The following PLCG2 variants were observed in gnomAD, a reference collection of about 807,000 sequenced individuals.
PLCG2 encodes phospholipase C gamma 2, also known as 1-phosphatidylinositol 4,5-bisphosphate phosphodiesterase gamma-2.
In PLCG2, 69 loss-of-function variants were observed where a neutral mutation model predicts 175.6. The ratio of observed to expected loss-of-function variants is 0.39; its 90% CI spans 0.32 to 0.48. The LOEUF (loss-of-function observed/expected upper bound fraction) is 0.48. Among genes scored for constraint, PLCG2 ranks in the 20% least tolerant of loss-of-function variants. The probability of loss-of-function intolerance (pLI) is 0.91; values close to 1 mark genes in which losing one functional copy is unlikely to be tolerated. For missense variants in PLCG2, 1,798 were observed against 1,650.9 expected, an observed-to-expected ratio of 1.09 and a Z score of -1.54; for synonymous variants, 827 against 624.0, an observed-to-expected ratio of 1.33 and a Z score of -4.85.
Position 81,786,066 on chromosome 16 carries a change from C to A in PLCG2, c.77C>A (p.Thr26Lys). 6.2e-7 allele frequency: 1 copy of A among 1,614,134 alleles called. No homozygotes were observed. The highest frequency in any genetic ancestry group is 8.5e-7 in the Non-Finnish European group (1 of 1,179,984). Residue 26 changes from threonine to lysine, a missense_variant, in exon 2 of 33, where the codon ACG becomes AAG. Transcript: ENST00000564138. ...SQIKRALELG[T>K]VMTVFSFRKS... ...ATCAAGAGAGCCCTGGAGCTGGGGA[C>A]GGTGATGACTGTGTTCAGCTTCCGC... is the stretch of plus-strand genomic sequence containing the variant.
At position 81,908,515 on chromosome 16, in the gene PLCG2, G is replaced by A; in HGVS notation, c.1657G>A (p.Glu553Lys). ...GAAGTTGCTGCAGGAATACTGCATG[G>A]AGACGGGGGGCAAGGATGGCACCTT... The part of the protein sequence containing the change: ...AEKLLQEYCM[E>K]TGGKDGTFLV... The change falls in exon 17 of 33, where the codon GAG (glutamate) becomes AAG (lysine). Residue 553 changes from glutamate (E) to lysine (K), a missense_variant. By Grantham distance (56) the Glu-to-Lys change is moderately conservative. Transcript: ENST00000564138. 1 of 1,613,966 alleles carries A rather than the reference G, an allele frequency of 6.2e-7. No individual in the cohort carries two copies. Among genetic ancestry groups the A allele is most frequent in the Non-Finnish European group, 8.5e-7 (1 of 1,179,992 alleles).
At chr16:81,807,095 C>T (rs752760411) in intron 2 of PLCG2, among the ~76,000 whole-genome samples, 1 of 152,224 alleles carries the variant, frequency 6.6e-6, no homozygotes, top group African/African-American at 2.4e-5. Context: ...TGTTTCAAGT[C>T]TGTTCAATGC....
intron 19 of PLCG2, among the ~76,000 whole-genome samples, chr16:81,915,275 G>T (rs948438612): frequency 1.3e-5 from 2 of 152,302 alleles, no homozygotes; most frequent in South Asian, 2.1e-4. Flanking sequence ...TTTGTAAAGT[G>T]CCTCTCCTGT....
At chr16:81,893,675 A>T in intron 11 of PLCG2, 34 bp from the exon 12 acceptor site, 1 of 1,391,224 alleles carries the variant, frequency 7.2e-7, no homozygotes, top group Non-Finnish European at 1.0e-6. Flanking sequence ...TGTGGCTGCC[A>T]CTCTCACACG....
intron 31 of PLCG2, among the ~76,000 whole-genome samples, chr16:81,953,365 G>C (rs1371500222): frequency 2.0e-5 from 3 of 151,848 alleles, no homozygotes; most frequent in African/African-American, 7.3e-5. Context: ...TAACACTGTG[G>C]AGTCTAGGTG....
At chr16:81,943,508 G>T (rs944566112) in intron 30 of PLCG2, among the ~76,000 whole-genome samples, 1 of 152,140 alleles carries the variant, frequency 6.6e-6, no homozygotes, top group Non-Finnish European at 1.5e-5. Flanking sequence ...AGCTCCAACA[G>T]TGGAGATCAC....
At chr16:81,832,824 A>C (rs1905320277) in intron 2 of PLCG2, among the ~76,000 whole-genome samples, 1 of 152,238 alleles carries the variant, frequency 6.6e-6, no homozygotes, top group African/African-American at 2.4e-5. Context: ...CCTTGCAGCT[A>C]GTGGGAGACC....
At chr16:81,895,473 T>C in intron 12 of PLCG2, 1 of 244,272 alleles carries the variant, frequency 4.1e-6, no homozygotes, top group Non-Finnish European at 8.1e-6. Flanking sequence ...GGCAGGGGAA[T>C]TGCTTCAACC....
intron 2 of PLCG2, among the ~76,000 whole-genome samples, chr16:81,852,607 A>G (rs538689301): frequency 6.6e-6 from 1 of 152,322 alleles, no homozygotes; most frequent in East Asian, 1.9e-4. Flanking sequence ...GACCAGGAGT[A>G]GATGGAGTCA....
chr16:81,942,932 T>TA (rs1443448817), intron 30 of PLCG2, among the ~76,000 whole-genome samples: 1 of 140,002 alleles, frequency 7.1e-6, no homozygotes, highest in Non-Finnish European at 1.5e-5. Flanking sequence ...TTTTTTTTTT[T>TA]ATACAAGGAG....
chr16:81,774,379 C>T (rs1433648918), upstream of PLCG2, among the ~76,000 whole-genome samples: 1 of 151,888 alleles, frequency 6.6e-6, no homozygotes, highest in East Asian at 1.9e-4. Flanking sequence ...AAACCGGGGG[C>T]TCCACCAAGC....
intron 2 of PLCG2, among the ~76,000 whole-genome samples, chr16:81,852,788 C>T (rs545067452): frequency 6.6e-6 from 1 of 152,284 alleles, no homozygotes; most frequent in South Asian, 2.1e-4. Context: ...TGTCTGTGTT[C>T]CACATGTTGT....
chr16:81,889,006 A>G (rs1908504682), intron 9 of PLCG2, among the ~76,000 whole-genome samples, 166 bp from the exon 10 acceptor site: 2 of 152,086 alleles, frequency 1.3e-5, no homozygotes, highest in Non-Finnish European at 2.9e-5. Flanking sequence ...GACCCCTGGC[A>G]GAGGGCCATG....
rs147313494 is a variant in PLCG2 at position 81,883,221 on chromosome 16, C to G, written c.693-48C>G. ...TGGCTGGCATCTCCTCTCGACTCCTCTGTTGAATGTGTCTGTCTCTAACTG... is the reference window on the plus strand; with the variant it reads ...TGGCTGGCATCTCCTCTCGACTCCTGTGTTGAATGTGTCTGTCTCTAACTG... On this transcript the variant is annotated intron_variant, in intron 8 of 32. Coordinates refer to ENST00000564138, the MANE Select transcript of PLCG2 (RefSeq NM_002661.5). 1,347 of 1,551,786 alleles carry G rather than the reference C, an allele frequency of 8.7e-4. 14 individuals carry two copies. In the African/African-American group the frequency reaches 0.016, roughly 18 times the overall value.
intron 7 of PLCG2, among the ~76,000 whole-genome samples, chr16:81,877,318 T>C (rs1023215172): frequency 4.6e-5 from 7 of 152,048 alleles, no homozygotes; most frequent in African/African-American, 9.7e-5. Flanking sequence ...TAGCTGGGCA[T>C]AGTGGCGGGT....
At chr16:81,815,608 A>C (rs1379029125) in intron 2 of PLCG2, among the ~76,000 whole-genome samples, 1 of 152,158 alleles carries the variant, frequency 6.6e-6, no homozygotes, top group Non-Finnish European at 1.5e-5. Context: ...TGGGGGCTCA[A>C]AAGCCACTCA....
chr16:81,948,017 C>T (rs574210027), intron 31 of PLCG2, among the ~76,000 whole-genome samples: 2 of 152,296 alleles, frequency 1.3e-5, no homozygotes, highest in East Asian at 3.9e-4. Context: ...CCTGTTTCAT[C>T]AGGTATGGGT....
intron 1 of PLCG2, among the ~76,000 whole-genome samples, chr16:81,747,183 C>G (rs1018310905): frequency 6.6e-6 from 1 of 152,150 alleles, no homozygotes; most frequent in Non-Finnish European, 1.5e-5. Context: ...AGTGATTCCC[C>G]CTCTAGGAAT....
chr16:81,802,466 T>A (rs1223639742), intron 2 of PLCG2, among the ~76,000 whole-genome samples: 1 of 152,122 alleles, frequency 6.6e-6, no homozygotes, highest in Non-Finnish European at 1.5e-5. Context: ...CTACCAAGTG[T>A]TCCCAGTAGA....
Sources: gnomAD v4.1 joint callset for allele counts (sites outside exome capture counted in the v4.1 genomes callset) on GRCh38, gnomAD v4.1.1 for gene constraint, MANE v1.5 for transcripts, NCBI Gene and HGNC (gene_info 2026-07-23, HGNC 2026-07-21) for gene names.